The following PTPRK variants were observed in gnomAD, a reference collection of about 807,000 sequenced individuals.
The protein encoded by PTPRK is receptor-type tyrosine-protein phosphatase kappa.
Under a neutral mutation model 178.0 loss-of-function variants are expected in PTPRK, and 75 were observed. The observed-to-expected ratio is 0.42, with a 90% CI of 0.35 to 0.51. The LOEUF (loss-of-function observed/expected upper bound fraction) is 0.51. Ranked by LOEUF, PTPRK falls within the 20% of genes least tolerant of loss-of-function variation. The pLI is 0.02. For synonymous variants in PTPRK, 637 were observed against 620.6 expected (o/e 1.03, Z -0.39); for missense variants, 1,441 against 1,797.8 (o/e 0.80, Z 3.59).
chr6:128,471,820 T>C (rs1229970890), intron 1 of PTPRK, among the ~76,000 whole-genome samples: 1 of 151,990 alleles, frequency 6.6e-6, no homozygotes, highest in Non-Finnish European at 1.5e-5. Context: ...GGGTTTCAAA[T>C]GAGTTGAATA....
intron 1 of PTPRK, among the ~76,000 whole-genome samples, chr6:128,407,119 G>A (rs1440889329): frequency 6.6e-6 from 1 of 152,126 alleles, no homozygotes; most frequent in African/African-American, 2.4e-5. Context: ...AATATCCTAT[G>A]ATATTAGAAG....
At chr6:127,988,983 T>C (rs2114653785) in intron 21 of PTPRK, among the ~76,000 whole-genome samples, 1 of 152,226 alleles carries the variant, frequency 6.6e-6, no homozygotes, top group Non-Finnish European at 1.5e-5. Flanking sequence ...TATTGATCTA[T>C]ATAATATAAT....
At chr6:128,239,160 T>C (rs1813919276) in intron 5 of PTPRK, among the ~76,000 whole-genome samples, 1 of 150,332 alleles carries the variant, frequency 6.7e-6, no homozygotes. Context: ...CTATTGGCAT[T>C]CTCATGAATT....
chr6:128,076,558 T>A (rs1446444299), intron 11 of PTPRK, among the ~76,000 whole-genome samples: 2 of 152,040 alleles, frequency 1.3e-5, no homozygotes, highest in Admixed American at 1.3e-4. Context: ...GTTGTTTATA[T>A]TATTATTAAA....
chr6:128,403,720 A>G (rs1841319528), intron 1 of PTPRK, among the ~76,000 whole-genome samples: 1 of 152,206 alleles, frequency 6.6e-6, no homozygotes. Flanking sequence ...TAATATACAC[A>G]GAAAGACTAA....
At chr6:128,012,606 T>A (rs185617033) in intron 13 of PTPRK, among the ~76,000 whole-genome samples, 31 of 151,406 alleles carry the variant, frequency 2.0e-4, no homozygotes, top group Admixed American at 1.5e-3. Context: ...GAAAAAAAAC[T>A]AAGGCACAAT....
At chr6:128,144,898 C>G (rs1263408173) in intron 7 of PTPRK, among the ~76,000 whole-genome samples, 2 of 152,054 alleles carry the variant, frequency 1.3e-5, no homozygotes, top group Admixed American at 6.6e-5. Flanking sequence ...GATTTTGTCA[C>G]AATAACATAT....
chr6:127,984,636 T>C (rs9388610), intron 22 of PTPRK, among the ~76,000 whole-genome samples: 44,621 of 152,076 alleles, frequency 0.29, 6,695 homozygotes, highest in East Asian at 0.44. Context: ...TCTCATTTTC[T>C]AAGTGCTTAG....
chr6:128,384,169 C>A (rs1180972743), intron 2 of PTPRK, among the ~76,000 whole-genome samples: 2 of 152,150 alleles, frequency 1.3e-5, no homozygotes, highest in African/African-American at 4.8e-5. Flanking sequence ...AATAAATATT[C>A]CTTCTCATTC....
intron 3 of PTPRK, among the ~76,000 whole-genome samples, chr6:128,320,282 C>T (rs367674556): frequency 4.6e-5 from 7 of 152,070 alleles, no homozygotes; most frequent in Non-Finnish European, 8.8e-5. Flanking sequence ...TAATCTGTGC[C>T]ATGAGAAAAT....
chr6:127,973,092 T>C lies in PTPRK; in HGVS notation c.4199A>G (p.Gln1400Arg), dbSNP rs779052722. 1.2e-6 allele frequency: 2 copies of C among 1,614,148 alleles called. No homozygotes were observed. The highest frequency in any genetic ancestry group is 3.3e-5 in the Admixed American group (2 of 60,024). Residue 1400 changes from glutamine to arginine, a missense_variant, in exon 29 of 30, where the codon CAA (glutamine) becomes CGA (arginine). Coordinates refer to ENST00000368226, the MANE Select transcript of PTPRK (RefSeq NM_002844.4). ...IGIVVEMVKR[Q>R]NVVDVFHAVK... Reference sequence around the variant, plus strand: ...TGCATGGAAAACATCGACAACATTTTGCCGTTTCACCATTTCAACAACGAT... The same window carrying C: ...TGCATGGAAAACATCGACAACATTTCGCCGTTTCACCATTTCAACAACGAT...
chr6:127,973,247 T>G, intron 28 of PTPRK, 90 bp from the exon 29 acceptor site: 1 of 1,554,478 alleles, frequency 6.4e-7, no homozygotes, highest in Non-Finnish European at 8.7e-7. Context: ...AATAAGACAT[T>G]GTAGTTTTAA....
At chr6:128,277,126 A>C (rs1225748407) in intron 3 of PTPRK, among the ~76,000 whole-genome samples, 1 of 152,166 alleles carries the variant, frequency 6.6e-6, no homozygotes, top group African/African-American at 2.4e-5. Flanking sequence ...AAAGAAAAAA[A>C]AAAAAGTCTC....
At chr6:128,001,722 G>T (rs1044539313) in intron 15 of PTPRK, among the ~76,000 whole-genome samples, 5 of 151,946 alleles carry the variant, frequency 3.3e-5, no homozygotes, top group African/African-American at 1.2e-4. Flanking sequence ...AAACAAAGAT[G>T]TAAGGTATTT....
At chr6:128,147,598 T>C (rs1796673552) in intron 7 of PTPRK, among the ~76,000 whole-genome samples, 2 of 152,292 alleles carry the variant, frequency 1.3e-5, no homozygotes, top group Non-Finnish European at 2.9e-5. Context: ...GTGTTTTCAA[T>C]ACTCATACAG....
intron 12 of PTPRK, among the ~76,000 whole-genome samples, chr6:128,065,715 G>A (rs1476854130): frequency 6.6e-6 from 1 of 152,016 alleles, no homozygotes; most frequent in East Asian, 1.9e-4. Flanking sequence ...AGCAGTGAGG[G>A]GGGAATTAGT....
chr6:128,041,172 A>T (rs1361351366), intron 13 of PTPRK, among the ~76,000 whole-genome samples: 1 of 152,146 alleles, frequency 6.6e-6, no homozygotes, highest in Admixed American at 6.6e-5. Flanking sequence ...TCACACAAAA[A>T]TTGATTTTCT....
At chr6:128,361,875 A>G (rs986280810) in intron 2 of PTPRK, among the ~76,000 whole-genome samples, 1 of 152,168 alleles carries the variant, frequency 6.6e-6, no homozygotes, top group African/African-American at 2.4e-5. Flanking sequence ...TGTCAATCAA[A>G]TGTTGTGCAA....
chr6:128,464,644 T>C (rs1484936639), intron 1 of PTPRK, among the ~76,000 whole-genome samples: 116 of 84,314 alleles, frequency 1.4e-3, no homozygotes, highest in Admixed American at 2.7e-3. Context: ...TACACATATA[T>C]ATATATATAT....
Sources: allele counts gnomAD v4.1 joint callset (sites outside exome capture counted in the v4.1 genomes callset), GRCh38; gene constraint gnomAD v4.1.1; transcripts MANE v1.5; gene names NCBI Gene and HGNC (gene_info 2026-07-23, HGNC 2026-07-21).